Variants in NETO2 observed in about 807,000 individuals in gnomAD.
The protein encoded by NETO2 is neuropilin and tolloid-like protein 2.
In NETO2, 28 loss-of-function variants were observed where a neutral mutation model predicts 62.5. The observed-to-expected ratio is 0.45, with a 90% CI of 0.33 to 0.61. The LOEUF is 0.61. NETO2 is among the 20% of genes least tolerant of loss of function. The probability of loss-of-function intolerance (pLI) is 0.02; values close to 1 mark genes in which losing one functional copy is unlikely to be tolerated. For synonymous variants in NETO2, 214 were observed against 219.1 expected (o/e 0.98, Z 0.21); for missense variants, 548 against 643.2 (o/e 0.85, Z 1.60).
At position 47,079,785 on chromosome 16, in the gene NETO2, A is replaced by G. The variant is rs1963030537; in HGVS notation, c.*3436T>C. ...CAAGGCATATTATTTTTAATGTCAT[A>G]TAATTCATGTCACTTGCAATAAAGT... On this transcript the variant is annotated 3_prime_UTR_variant, in exon 9 of 9. Transcript: ENST00000562435. 6.6e-6 allele frequency: 1 copy of G among 152,246 alleles called. No homozygotes were observed. The highest frequency in any genetic ancestry group is 6.5e-5 in the Admixed American group (1 of 15,288). 9.4% of individuals were successfully genotyped at this position (152,246 alleles called of 1,614,324 possible).
In NETO2 at chr16:47,122,650, A is replaced by G. The variant is rs375201066; in HGVS notation, c.654+7T>C. ...CTTCTCTGAAGCGACTCAATACATA[A>G]TAATACCTTAGCTTTTGGAGTGGCT... is the stretch of plus-strand genomic sequence containing the variant. On this transcript the variant is annotated splice_region_variant and intron_variant, in intron 6 of 8. Coordinates refer to ENST00000562435, the MANE Select transcript of NETO2 (RefSeq NM_018092.5). 41 of 1,613,268 alleles carry G rather than the reference A, an allele frequency of 2.5e-5. No individual in the cohort carries two copies. The highest frequency in any genetic ancestry group is 4.0e-5 in the African/African-American group (3 of 74,852).
intron 7 of NETO2, among the ~76,000 whole-genome samples, chr16:47,099,829 A>C (rs572306877): frequency 4.6e-5 from 7 of 152,336 alleles, no homozygotes; most frequent in Admixed American, 2.6e-4. Flanking sequence ...AGAGACCTAC[A>C]AAGAGACTTA....
chr16:47,109,570 T>C lies in NETO2; in HGVS notation c.796A>G (p.Lys266Glu), dbSNP rs1239944668. The change falls in exon 7 of 9, where the codon AAA becomes GAA. Residue 266 changes from lysine to glutamate, a missense_variant. Coordinates refer to ENST00000562435, the MANE Select transcript of NETO2 (RefSeq NM_018092.5). ...CSTVANDVML[K>E]TGIGVIRMWA... Reference sequence around the variant, plus strand: ...ATTCGAATCACTCCAATTCCTGTTTTAAGCATTACATCATTGGCCACAGTG... The same window carrying C: ...ATTCGAATCACTCCAATTCCTGTTTCAAGCATTACATCATTGGCCACAGTG... The C allele has an allele frequency of 6.2e-7, 1 of 1,614,170 alleles. No homozygotes were observed. Among genetic ancestry groups the C allele is most frequent in the South Asian group, 1.1e-5 (1 of 91,078 alleles).
At chr16:47,107,296 G>GTT (rs1180027018) in intron 7 of NETO2, among the ~76,000 whole-genome samples, 1 of 152,152 alleles carries the variant, frequency 6.6e-6, no homozygotes, top group African/African-American at 2.4e-5. Context: ...CAACAATTAT[G>GTT]TTTCCACAAC....
At chr16:47,097,159 G>A (rs556113019) in intron 7 of NETO2, among the ~76,000 whole-genome samples, 5 of 152,234 alleles carry the variant, frequency 3.3e-5, no homozygotes, top group East Asian at 1.9e-4. Context: ...TGCCTGGAAC[G>A]CCAGCGAGAC....
intron 4 of NETO2, among the ~76,000 whole-genome samples, chr16:47,124,717 A>G (rs1964119135): frequency 6.6e-6 from 1 of 152,218 alleles, no homozygotes; most frequent in South Asian, 2.1e-4. Flanking sequence ...GTGAAATGCA[A>G]TCTAGTCCTG....
At chr16:47,093,918 T>C (rs1283450736) in intron 7 of NETO2, among the ~76,000 whole-genome samples, 2 of 152,236 alleles carry the variant, frequency 1.3e-5, no homozygotes, top group African/African-American at 2.4e-5. Context: ...TCAGTCAGGA[T>C]ATAAAGGCTA....
rs371677597 is a variant in NETO2 at position 47,141,373 on chromosome 16, T to A, written c.34+2206A>T. ...ATGCCTTGGGGCACACAATGAGTAG[T>A]TTGTAATGGGAAAGGCCAGTATCTT... On this transcript the variant is annotated intron_variant, in intron 1 of 8. Coordinates refer to ENST00000562435, the MANE Select transcript of NETO2 (RefSeq NM_018092.5). Among the ~76,000 whole-genome samples, 112 of 152,254 alleles carry A rather than the reference T, an allele frequency of 7.4e-4. No individual in the cohort carries two copies. The South Asian group carries it at 0.023, about 31-fold the overall frequency.
chr16:47,118,695 C>T (rs964941319), intron 6 of NETO2, among the ~76,000 whole-genome samples: 1 of 152,170 alleles, frequency 6.6e-6, no homozygotes, highest in Non-Finnish European at 1.5e-5. Context: ...ACCCAGCTTC[C>T]AACTTCAACA....
intron 1 of NETO2, among the ~76,000 whole-genome samples, chr16:47,140,952 T>C (rs1044031892): frequency 6.6e-6 from 1 of 152,234 alleles, no homozygotes; most frequent in African/African-American, 2.4e-5. Flanking sequence ...ATAATCCTCA[T>C]GTAATATTTT....
intron 1 of NETO2, among the ~76,000 whole-genome samples, chr16:47,141,840 A>T (rs541593193): frequency 6.6e-6 from 1 of 152,142 alleles, no homozygotes; most frequent in East Asian, 1.9e-4. Context: ...ACAACACTCA[A>T]CGCTTCACCA....
intron 6 of NETO2, among the ~76,000 whole-genome samples, chr16:47,113,138 A>T (rs1963837219): frequency 6.6e-6 from 1 of 152,186 alleles, no homozygotes; most frequent in Non-Finnish European, 1.5e-5. Flanking sequence ...GCATGTGACC[A>T]TTTTCAGCTT....
intron 1 of NETO2, among the ~76,000 whole-genome samples, chr16:47,137,519 G>A (rs1412844358): frequency 1.3e-5 from 2 of 152,144 alleles, no homozygotes; most frequent in Admixed American, 6.5e-5. Flanking sequence ...GAGTTGAGTC[G>A]ATTTTGGAAA....
At chr16:47,113,641 G>C (rs562729584) in intron 6 of NETO2, among the ~76,000 whole-genome samples, 11 of 146,674 alleles carry the variant, frequency 7.5e-5, no homozygotes, top group Admixed American at 6.2e-4. Context: ...GCCCAGGCTG[G>C]AGTGCAGTAG....
At chr16:47,084,470 G>A (rs892217628) in intron 8 of NETO2, among the ~76,000 whole-genome samples, 3 of 152,138 alleles carry the variant, frequency 2.0e-5, no homozygotes, top group African/African-American at 7.2e-5. Flanking sequence ...CCCATCACTC[G>A]CATTACCCGC....
In NETO2 at chr16:47,083,235, A is replaced by G. The variant is rs750928755; in HGVS notation, c.1564T>C (p.Ser522Pro). The G allele has an allele frequency of 1.2e-6, 2 of 1,611,162 alleles. No individual in the cohort carries two copies. The highest frequency in any genetic ancestry group is 2.2e-5 in the South Asian group (2 of 90,686). ...TTAGCAGAAGATTAGAAGTCAATGG[A>G]TATGGATGCTTGTGCAGAATCTTCT... ...GREDSAQASI[S>P]IDF Residue 522 changes from serine to proline, a missense_variant, in exon 9 of 9, where the codon TCC becomes CCC. Ser to Pro is a moderately conservative substitution (Grantham distance 74). Transcript: ENST00000562435.
chr16:47,119,581 TTA>T (rs968781285), intron 6 of NETO2, among the ~76,000 whole-genome samples: 1 of 152,134 alleles, frequency 6.6e-6, no homozygotes, highest in African/African-American at 2.4e-5. Context: ...AATTTCTGTT[TTA>T]TGATTGCCCT....
At chr16:47,115,226 T>C (rs994842363) in intron 6 of NETO2, among the ~76,000 whole-genome samples, 1 of 152,180 alleles carries the variant, frequency 6.6e-6, no homozygotes, top group African/African-American at 2.4e-5. Flanking sequence ...ATCCCTTGCT[T>C]TTCCATTACA....
intron 1 of NETO2, 146 bp from the exon 2 acceptor site, chr16:47,132,171 A>G (rs1356037126): frequency 4.7e-6 from 3 of 638,550 alleles, no homozygotes; most frequent in African/African-American, 3.7e-5. Flanking sequence ...TTTAAGCATT[A>G]AATGTTATGT....
Sources: allele counts gnomAD v4.1 joint callset (sites outside exome capture counted in the v4.1 genomes callset), GRCh38; gene constraint gnomAD v4.1.1; transcripts MANE v1.5; gene names NCBI Gene and HGNC (gene_info 2026-07-23, HGNC 2026-07-21).